ABR: variants seen among roughly 807,000 people sequenced by gnomAD.
ABR encodes the protein ABR activator of RhoGEF and GTPase, also known as active breakpoint cluster region-related protein.
ABR carries 35 observed loss-of-function variants against 107.2 expected under a neutral mutation model. The observed-to-expected ratio is 0.33, with a 90% CI of 0.25 to 0.43. ABR has a LOEUF of 0.43. Ranked by LOEUF, ABR falls within the 20% of genes least tolerant of loss-of-function variation. The pLI is 1.00. For synonymous variants in ABR, 498 were observed against 462.0 expected (o/e 1.08, Z -1.00); for missense variants, 815 against 1,115.2 (o/e 0.73, Z 3.83).
At chr17:1,145,977 C>G (rs1209806112) in intron 1 of ABR, among the ~76,000 whole-genome samples, 1 of 152,208 alleles carries the variant, frequency 6.6e-6, no homozygotes, top group Non-Finnish European at 1.5e-5. Flanking sequence ...GGGCCTTAAA[C>G]ATAATTCTAC....
In ABR at chr17:1,148,059, A is replaced by T. The variant is rs1426562055; in HGVS notation, c.62-22692T>A. On this transcript the variant is annotated intron_variant, in intron 1 of 22. Transcript: ENST00000302538. This position sits in a 1 kb window ranked among gnomAD's most constrained non-coding sequence, Gnocchi z 4.9. ...CCCACCCACTCTCCCCAGGCTGGTC[A>T]ATGGGCCCACCCCACGGTAAGCTTC... 3.9e-5 allele frequency among the ~76,000 whole-genome samples: 6 copies of T among 152,194 alleles called. No individual in the cohort carries two copies. Among genetic ancestry groups the T allele is most frequent in the Admixed American group, 3.9e-4 (6 of 15,278 alleles).
intron 5 of ABR, among the ~76,000 whole-genome samples, 192 bp from the exon 6 acceptor site, chr17:1,079,582 A>G (rs1052893828): frequency 2.6e-5 from 4 of 152,082 alleles, no homozygotes; most frequent in African/African-American, 7.2e-5. Context: ...TGAGGTCGGA[A>G]GTTCGAGACC....
intron 2 of ABR, among the ~76,000 whole-genome samples, chr17:1,124,825 C>T (rs1184404304): frequency 6.6e-6 from 1 of 152,188 alleles, no homozygotes; most frequent in Non-Finnish European, 1.5e-5. Context: ...CATGCAGCCA[C>T]TGCCTGGCCT....
At chr17:1,222,777 C>T (rs541368923) in intron 1 of ABR, among the ~76,000 whole-genome samples, 1 of 152,122 alleles carries the variant, frequency 6.6e-6, no homozygotes, top group East Asian at 1.9e-4. Flanking sequence ...CGGCTCGTGG[C>T]ATGTGCCTAT....
chr17:1,006,205 T>C, intron 22 of ABR, 36 bp from the exon 23 acceptor site: 10 of 1,515,184 alleles, frequency 6.6e-6, no homozygotes, highest in Non-Finnish European at 9.0e-6. Context: ...CTGGGCTCCC[T>C]GTCCTAGGCC....
At chr17:1,013,850 A>C (rs2070876910) in intron 16 of ABR, among the ~76,000 whole-genome samples, 1 of 152,182 alleles carries the variant, frequency 6.6e-6, no homozygotes, top group African/African-American at 2.4e-5. Flanking sequence ...TGCGGACCCC[A>C]GGGGAGGTCA....
chr17:1,017,464 C>CTTT (rs61229673), intron 16 of ABR, among the ~76,000 whole-genome samples: 5 of 104,554 alleles, frequency 4.8e-5, no homozygotes, highest in African/African-American at 7.9e-5. Flanking sequence ...GCCATGCCCT[C>CTTT]TTTTTTTTTT....
chr17:1,148,478 C>G lies in ABR; in HGVS notation c.62-23111G>C, dbSNP rs532930540. Among the ~76,000 whole-genome samples, 8 of 152,118 alleles carry G rather than the reference C, an allele frequency of 5.3e-5. No individual in the cohort carries two copies. Among genetic ancestry groups the G allele is most frequent in the African/African-American group, 1.9e-4 (8 of 41,428 alleles). On this transcript the variant is annotated intron_variant, in intron 1 of 22. Coordinates refer to ENST00000302538, the MANE Select transcript of ABR (RefSeq NM_021962.5). The surrounding 1 kb of genome is among the most constrained non-coding windows in gnomAD (Gnocchi z 4.9). ...GTTGTTCAATACAGGGGTCCCCAGC[C>G]CCCCCGGGCATGGACCGGCACCAGT... is the stretch of plus-strand genomic sequence containing the variant.
In ABR at chr17:1,056,105, A is replaced by C; in HGVS notation, c.1491T>G (p.Asp497Glu). 6.2e-7 allele frequency: 1 copy of C among 1,614,086 alleles called. No individual in the cohort carries two copies. The highest frequency in any genetic ancestry group is 8.5e-7 in the Non-Finnish European group (1 of 1,179,924). The change falls in exon 14 of 23, where the codon GAT (aspartate) becomes GAG (glutamate). Residue 497 changes from aspartate to glutamate, a missense_variant. Physicochemically the swap from Asp to Glu is conservative, Grantham distance 45. Coordinates refer to ENST00000302538, the MANE Select transcript of ABR (RefSeq NM_021962.5). Reference protein sequence around the residue: ...NIPVTSNKDDDESPGLYGFLH... With the variant: ...NIPVTSNKDDEESPGLYGFLH... Reference sequence around the variant, plus strand: ...GGAAGCCATAGAGTCCTGGAGACTCATCGTCTGCAAGAGAGAAAAGCCCCC... The same window carrying C: ...GGAAGCCATAGAGTCCTGGAGACTCCTCGTCTGCAAGAGAGAAAAGCCCCC...
intron 2 of ABR, among the ~76,000 whole-genome samples, chr17:1,109,536 C>T (rs1409727479): frequency 2.0e-5 from 3 of 151,324 alleles, no homozygotes; most frequent in Non-Finnish European, 4.4e-5. Flanking sequence ...GAGGAGGCCG[C>T]GGCCGGGCCG....
At chr17:1,049,382 G>A (rs2151022345) in intron 16 of ABR, among the ~76,000 whole-genome samples, 1 of 152,136 alleles carries the variant, frequency 6.6e-6, no homozygotes, top group African/African-American at 2.4e-5. Flanking sequence ...TGGCCAGGCT[G>A]GTCTCGAACT....
chr17:1,007,220 C>G lies in ABR; in HGVS notation c.2435G>C (p.Ser812Thr). Residue 812 changes from serine to threonine, a missense_variant, in exon 22 of 23, where the codon AGC becomes ACC. By Grantham distance (58) the Ser-to-Thr change is moderately conservative. Coordinates refer to ENST00000302538, the MANE Select transcript of ABR (RefSeq NM_021962.5). ...PTLLRPSEVE[S>T]KAHLTSAADI... ...CGCAGCCGAGGTGAGGTGTGCTTTG[C>G]TCTCCACTTCTGAGGGTCTCAGTAA... 6.2e-7 allele frequency: 1 copy of G among 1,614,110 alleles called. No homozygotes were observed. Among genetic ancestry groups the G allele is most frequent in the South Asian group, 1.1e-5 (1 of 91,088 alleles).
intron 1 of ABR, among the ~76,000 whole-genome samples, chr17:1,226,467 T>C (rs1364733804): frequency 6.6e-6 from 1 of 151,676 alleles, no homozygotes. Flanking sequence ...TGCATGCATG[T>C]ATGTGGCACT....
At chr17:1,068,229 G>A (rs917133137) in intron 9 of ABR, among the ~76,000 whole-genome samples, 16 of 152,194 alleles carry the variant, frequency 1.1e-4, no homozygotes, top group African/African-American at 2.2e-4. Flanking sequence ...CACCGTGCCC[G>A]CCCAGTCATC....
chr17:1,021,609 A>C (rs143447828), intron 16 of ABR, among the ~76,000 whole-genome samples: 4 of 149,104 alleles, frequency 2.7e-5, no homozygotes, highest in Non-Finnish European at 5.9e-5. Context: ...ATCGAGACCA[A>C]CCTGACCAAC....
At chr17:1,141,116 C>T (rs2440056) in intron 1 of ABR, among the ~76,000 whole-genome samples, 22,058 of 152,146 alleles carry the variant, frequency 0.14, 1,761 homozygotes, top group African/African-American at 0.22. Context: ...GAGTGGGTGT[C>T]GTAGGCAACG....
chr17:1,181,679 G>A (rs560695010), upstream of ABR, among the ~76,000 whole-genome samples: 88 of 152,304 alleles, frequency 5.8e-4, no homozygotes, highest in South Asian at 2.1e-3. Flanking sequence ...CCGCGAGGCC[G>A]GAGGAGCCAT....
intron 2 of ABR, 110 bp downstream of exon 2, chr17:1,125,073 C>T (rs533917135): frequency 7.8e-6 from 9 of 1,157,112 alleles, no homozygotes; most frequent in East Asian, 2.5e-5. Flanking sequence ...CAGGTCCAAA[C>T]GTCTCCAGTC....
At position 1,141,132 on chromosome 17, in the gene ABR, G is replaced by C. The variant is rs936532266; in HGVS notation, c.62-15765C>G. Among the ~76,000 whole-genome samples the C allele has an allele frequency of 2.6e-5, 4 of 152,184 alleles. 1 individual carries two copies. Among genetic ancestry groups the C allele is most frequent in the African/African-American group, 4.8e-5 (2 of 41,446 alleles). On this transcript the variant is annotated intron_variant, in intron 1 of 22. Transcript: ENST00000302538. ...AGTGGGTGTCGTAGGCAACGGGAAA[G>C]TAGACACCTTCAGGGTCCAGGTGAC...
Sources: gnomAD v4.1 joint callset for allele counts (sites outside exome capture counted in the v4.1 genomes callset) on GRCh38, gnomAD v4.1.1 for gene constraint, Gnocchi (gnomAD v3.1) non-coding constraint, MANE v1.5 for transcripts, NCBI Gene and HGNC (gene_info 2026-07-23, HGNC 2026-07-21) for gene names.